Variants in CACNA1E observed in about 807,000 individuals in gnomAD.
The protein encoded by CACNA1E is voltage-dependent R-type calcium channel subunit alpha-1E.
A neutral mutation model predicts 259.2 loss-of-function variants in CACNA1E; 40 were observed. That is an observed-to-expected ratio of 0.15 (90% confidence interval 0.12 to 0.20). The LOEUF is 0.20. CACNA1E is among the 10% of genes least tolerant of loss of function. The pLI is 1.00. For synonymous variants in CACNA1E, 1,104 were observed against 1,138.5 expected (o/e 0.97, Z 0.61); for missense variants, 1,874 against 3,040.1 (o/e 0.62, Z 9.02).
chr1:181,591,146 C>T (rs1652603844), intron 6 of CACNA1E, among the ~76,000 whole-genome samples: 1 of 152,164 alleles, frequency 6.6e-6, no homozygotes, highest in Non-Finnish European at 1.5e-5. Flanking sequence ...ACATGTAATC[C>T]ATGTGTTATA....
At chr1:181,588,315 T>A (rs1236543042) in intron 6 of CACNA1E, among the ~76,000 whole-genome samples, 1 of 152,244 alleles carries the variant, frequency 6.6e-6, no homozygotes, top group African/African-American at 2.4e-5. Context: ...TTGCAGCTTA[T>A]GATGCTGACT....
At chr1:181,459,762 C>T (rs1182055016) in intron 2 of CACNA1E, among the ~76,000 whole-genome samples, 1 of 152,204 alleles carries the variant, frequency 6.6e-6, no homozygotes, top group Non-Finnish European at 1.5e-5. Flanking sequence ...TACCTCCCAC[C>T]TCTTACCCTG....
At chr1:181,574,361 C>T (rs549073722) in intron 3 of CACNA1E, among the ~76,000 whole-genome samples, 2 of 152,260 alleles carry the variant, frequency 1.3e-5, no homozygotes, top group South Asian at 4.2e-4. Flanking sequence ...CCAGTATTCT[C>T]CTGTGTACTC....
intron 2 of CACNA1E, among the ~76,000 whole-genome samples, chr1:181,415,212 C>T (rs1658175196): frequency 6.6e-6 from 1 of 152,170 alleles, no homozygotes; most frequent in African/African-American, 2.4e-5. Context: ...ATCATCTGGC[C>T]TAACCCAAAA....
chr1:181,379,685 C>A (rs1655330403), intron 1 of CACNA1E, among the ~76,000 whole-genome samples: 1 of 152,068 alleles, frequency 6.6e-6, no homozygotes, highest in African/African-American at 2.4e-5. Flanking sequence ...GGGCTAATCC[C>A]AATCATAAGG....
chr1:181,363,243 A>G (rs934986502), intron 1 of CACNA1E, among the ~76,000 whole-genome samples: 11 of 152,162 alleles, frequency 7.2e-5, no homozygotes, highest in African/African-American at 2.7e-4. Context: ...TGGGAAAACT[A>G]TTACACAAAC....
chr1:181,688,793 C>T (rs1650842145), intron 7 of CACNA1E, among the ~76,000 whole-genome samples: 1 of 152,140 alleles, frequency 6.6e-6, no homozygotes, highest in African/African-American at 2.4e-5. Context: ...AACATCTCTC[C>T]ATTTCCCCTT....
At chr1:181,631,573 C>T (rs188322651) in intron 6 of CACNA1E, among the ~76,000 whole-genome samples, 48 of 152,182 alleles carry the variant, frequency 3.2e-4, no homozygotes, top group African/African-American at 1.0e-3. Flanking sequence ...GTGCCTGGGC[C>T]GTATTCCCAG....
rs778852127 is a variant in CACNA1E, at chr1:181,510,557, A to T, written c.347A>T (p.Asp116Val). 6.2e-7 allele frequency: 1 copy of T among 1,612,764 alleles called. No homozygotes were observed. The highest frequency in any genetic ancestry group is 1.3e-5 in the African/African-American group (1 of 74,910). Residue 116 changes from aspartate (D) to valine (V), a missense_variant, in exon 2 of 48, where the codon GAC becomes GTC. This residue lies in a region of CACNA1E where 55 missense variants were observed against 156.5 expected (regional missense o/e 0.35). Coordinates refer to ENST00000367573, the MANE Select transcript of CACNA1E (RefSeq NM_001205293.3). ...LALEQHLPEDDKTPMSRRLEK... is the reference protein window; with the variant it reads ...LALEQHLPEDVKTPMSRRLEK... The stretch of plus-strand genomic sequence containing the variant: ...CTGGAGCAGCATCTTCCTGAGGATG[A>T]CAAGACCCCCATGTCCCGAAGACTG...
At chr1:181,634,366 T>G (rs1355248651) in intron 6 of CACNA1E, among the ~76,000 whole-genome samples, 1 of 152,212 alleles carries the variant, frequency 6.6e-6, no homozygotes. Context: ...AGTTTATTGA[T>G]TCAGCGTTTT....
In CACNA1E at chr1:181,607,530, T is replaced by C. The variant is rs76145932; in HGVS notation, c.951+26754T>C. 3.2e-3 allele frequency among the ~76,000 whole-genome samples: 495 copies of C among 152,322 alleles called. 3 individuals carry two copies. Among genetic ancestry groups the C allele is most frequent in the African/African-American group, 0.01 (433 of 41,568 alleles). The stretch of plus-strand genomic sequence containing the variant: ...GCGGTAGCCTGAACTGCTTGAGTTA[T>C]GACAGCCTAAGAGCTGGGCGTTCCT... On this transcript the variant is annotated intron_variant, in intron 6 of 47. Coordinates refer to ENST00000367573, the MANE Select transcript of CACNA1E (RefSeq NM_001205293.3).
At chr1:181,482,083 C>G (rs1405207712), upstream of CACNA1E, among the ~76,000 whole-genome samples, 2 of 152,196 alleles carry the variant, frequency 1.3e-5, no homozygotes, top group Admixed American at 6.5e-5. Context: ...GAGTGTGGAA[C>G]CCCCAGAGGT....
intron 38 of CACNA1E, 48 bp from the exon 39 acceptor site, chr1:181,781,379 C>T (rs574361624): frequency 3.5e-6 from 3 of 867,006 alleles, no homozygotes; most frequent in African/African-American, 3.3e-5. Flanking sequence ...TGCCACCCCA[C>T]TGCCCCGCTA....
intron 25 of CACNA1E, among the ~76,000 whole-genome samples, chr1:181,743,240 T>C (rs3767001): frequency 0.85 from 128,883 of 152,240 alleles, 54,660 homozygotes; most frequent in South Asian, 0.9. Context: ...CTTCTGTACT[T>C]TGAGGTCTCA....
At chr1:181,407,274 G>A (rs1657533842) in intron 1 of CACNA1E, among the ~76,000 whole-genome samples, 1 of 152,054 alleles carries the variant, frequency 6.6e-6, no homozygotes, top group Non-Finnish European at 1.5e-5. Context: ...GTGGGGGTGG[G>A]TCAGGGAACA....
intron 1 of CACNA1E, among the ~76,000 whole-genome samples, chr1:181,391,644 CT>C (rs1419801348): frequency 6.6e-6 from 1 of 152,168 alleles, no homozygotes; most frequent in African/African-American, 2.4e-5. Flanking sequence ...TTCTTTCTTT[CT>C]TCTAGTCTCC....
At chr1:181,343,266 T>C (rs1234685725) in intron 1 of CACNA1E, among the ~76,000 whole-genome samples, 1 of 152,144 alleles carries the variant, frequency 6.6e-6, no homozygotes, top group African/African-American at 2.4e-5. Flanking sequence ...TGGTATCCCC[T>C]CCAAATCTCA....
In CACNA1E at chr1:181,798,808, G is replaced by A. The variant is rs1201550879; in HGVS notation, c.6916G>A (p.Asp2306Asn). ...TGGGGCTGTCAACAACCTGCTAAGTGACACGGAAGAAGATGACAAATGCTA... is the reference window on the plus strand; with the variant it reads ...TGGGGCTGTCAACAACCTGCTAAGTAACACGGAAGAAGATGACAAATGCTA... ...MCGAVNNLLS[D>N]TEEDDKC Residue 2306 changes from aspartate (D) to asparagine (N), a missense_variant, in exon 48 of 48, where the codon GAC becomes AAC. This residue lies in a region of CACNA1E where 542 missense variants were observed against 587.2 expected (regional missense o/e 0.92). Transcript: ENST00000367573. This position sits in a 1 kb window ranked among gnomAD's most constrained non-coding sequence, Gnocchi z 4.2. The A allele has an allele frequency of 3.9e-6, 6 of 1,532,054 alleles. No individual in the cohort carries two copies. The highest frequency in any genetic ancestry group is 5.3e-6 in the Non-Finnish European group (6 of 1,140,188). The allele number at this position is 1,532,054 out of a possible 1,614,324, so 94.9% of individuals were successfully genotyped here.
intron 2 of CACNA1E, among the ~76,000 whole-genome samples, chr1:181,443,794 C>G (rs1660644061): frequency 6.6e-6 from 1 of 152,194 alleles, no homozygotes; most frequent in Non-Finnish European, 1.5e-5. Context: ...ATTCTCTTCC[C>G]CCTGCAGCAC....
Sources: gnomAD v4.1 joint callset for allele counts (sites outside exome capture counted in the v4.1 genomes callset) on GRCh38, gnomAD v4.1.1 for gene constraint, gnomAD v4.1.1 regional missense constraint, Gnocchi (gnomAD v3.1) non-coding constraint, MANE v1.5 for transcripts, NCBI Gene and HGNC (gene_info 2026-07-23, HGNC 2026-07-21) for gene names.